The following ADAD1 variants were observed in gnomAD, a reference collection of about 807,000 sequenced individuals.
The protein encoded by ADAD1 is adenosine deaminase domain-containing protein 1.
In ADAD1, 46 loss-of-function variants were observed where a neutral mutation model predicts 66.8. The ratio of observed to expected loss-of-function variants is 0.69; its 90% confidence interval spans 0.54 to 0.88. ADAD1 has a LOEUF of 0.88. ADAD1 is among the 40% of genes least tolerant of loss of function. ADAD1 has a pLI of 0.00. For synonymous variants in ADAD1, 248 were observed against 229.4 expected, an observed-to-expected ratio of 1.08 and a Z score of -0.73; for missense variants, 617 against 681.8, an observed-to-expected ratio of 0.91 and a Z score of 1.06.
chr4:122,386,428 A>T (rs1795175668), intron 5 of ADAD1, among the ~76,000 whole-genome samples: 1 of 152,040 alleles, frequency 6.6e-6, no homozygotes, highest in Non-Finnish European at 1.5e-5. Flanking sequence ...GTTCCTTGTA[A>T]ATTCTGGATA....
chr4:122,390,233 A>C (rs1436028954), intron 5 of ADAD1, among the ~76,000 whole-genome samples: 2 of 152,294 alleles, frequency 1.3e-5, no homozygotes, highest in East Asian at 3.9e-4. Flanking sequence ...ATCCCCTGTT[A>C]GTCTGAAGAG....
At chr4:122,429,464 T>C (rs1797417677) in intron 12 of ADAD1, among the ~76,000 whole-genome samples, 162 bp from the exon 13 acceptor site, 1 of 151,734 alleles carries the variant, frequency 6.6e-6, no homozygotes, top group East Asian at 1.9e-4. Context: ...TTAGGAGTGT[T>C]GGGAAGGAAA....
chr4:122,393,069 G>A (rs1350651789), intron 5 of ADAD1, among the ~76,000 whole-genome samples: 1 of 131,524 alleles, frequency 7.6e-6, no homozygotes, highest in Non-Finnish European at 1.6e-5. Context: ...CTCAGGTTTA[G>A]TGGTTTTTAA....
chr4:122,383,404 C>A (rs79187185), intron 4 of ADAD1, among the ~76,000 whole-genome samples: 1 of 152,096 alleles, frequency 6.6e-6, no homozygotes, highest in Non-Finnish European at 1.5e-5. Flanking sequence ...GTTTTAAAGA[C>A]GTTTGTATTT....
chr4:122,403,558 C>T (rs1796070793), intron 7 of ADAD1, among the ~76,000 whole-genome samples: 1 of 152,146 alleles, frequency 6.6e-6, no homozygotes, highest in African/African-American at 2.4e-5. Context: ...CTGTTGTTTT[C>T]TCCTTCTTTG....
At chr4:122,404,839 C>T (rs763398799) in intron 7 of ADAD1, among the ~76,000 whole-genome samples, 32 of 152,198 alleles carry the variant, frequency 2.1e-4, no homozygotes, top group Non-Finnish European at 1.5e-4. Flanking sequence ...ATCTTCTCTA[C>T]TGTGACAGTA....
chr4:122,383,731 T>C, intron 4 of ADAD1, 68 bp from the exon 5 acceptor site: 1 of 1,463,908 alleles, frequency 6.8e-7, no homozygotes, highest in South Asian at 1.6e-5. Context: ...TGTTTTCCTA[T>C]GTACATACAT....
In ADAD1 at chr4:122,411,283, A is replaced by G. The variant is rs752425189; in HGVS notation, c.910A>G (p.Ile304Val). 7 of 1,612,042 alleles carry G rather than the reference A, an allele frequency of 4.3e-6. No homozygotes were observed. The South Asian group carries it at 5.5e-5, about 13-fold the overall frequency. Residue 304 changes from isoleucine to valine, a missense_variant, in exon 9 of 13, where the codon ATA becomes GTA. Ile to Val is a conservative substitution (Grantham distance 29). Transcript: ENST00000296513. Reference protein sequence around the residue: ...SKNPAMMEKSIFCTEPTSNLL... With the variant: ...SKNPAMMEKSVFCTEPTSNLL... ...AAATCCTGCTATGATGGAAAAATCA[A>G]TATTTTGTACAGAACCAACTTCTAA...
intron 10 of ADAD1, among the ~76,000 whole-genome samples, chr4:122,415,041 A>G (rs998547152): frequency 6.6e-6 from 1 of 152,100 alleles, no homozygotes; most frequent in African/African-American, 2.4e-5. Context: ...ATCAGCATAC[A>G]ATGCGGTCAA....
At position 122,381,147 on chromosome 4, in the gene ADAD1, G is replaced by A; in HGVS notation, c.328G>A (p.Val110Ile). 6.3e-7 allele frequency: 1 copy of A among 1,581,666 alleles called. No homozygotes were observed. ...GCACCAGTTTGCACAAATGCAGCGA[G>A]TTCAGCTTGACCTTAAGGAAACTGT... ...ALHQFAQMQR[V>I]QLDLKETVTT... The change falls in exon 4 of 13, where the codon GTT (valine) becomes ATT (isoleucine). Residue 110 changes from valine (V) to isoleucine (I), a missense_variant. Val to Ile is a conservative substitution (Grantham distance 29). Coordinates refer to ENST00000296513, the MANE Select transcript of ADAD1 (RefSeq NM_139243.4).
In ADAD1 at chr4:122,415,493, G is replaced by C. The variant is rs775582485; in HGVS notation, c.1364G>C (p.Ser455Thr). The stretch of plus-strand genomic sequence containing the variant: ...TACTTAGTCAACAGACCTCATATTA[G>C]TTTAGTACCCTCTGCATATCCCCTT... ...MFYLVNRPHI[S>T]LVPSAYPLQM... Residue 455 changes from serine (S) to threonine (T), a missense_variant, in exon 11 of 13, where the codon AGT (serine) becomes ACT (threonine). Transcript: ENST00000296513. 3.7e-6 allele frequency: 6 copies of C among 1,613,896 alleles called. No homozygotes were observed. The highest frequency in any genetic ancestry group is 3.4e-6 in the Non-Finnish European group (4 of 1,179,866).
chr4:122,405,887 C>T (rs1216143135), intron 7 of ADAD1, among the ~76,000 whole-genome samples: 2 of 152,104 alleles, frequency 1.3e-5, no homozygotes, highest in Non-Finnish European at 2.9e-5. Context: ...CAGGTTCATT[C>T]ATATTGTTGA....
At chr4:122,416,745 A>G (rs935403570) in intron 11 of ADAD1, among the ~76,000 whole-genome samples, 4 of 152,000 alleles carry the variant, frequency 2.6e-5, no homozygotes, top group African/African-American at 7.3e-5. Context: ...AAAGGGAAAA[A>G]AAAAAGAAAA....
chr4:122,396,258 G>T lies in ADAD1; in HGVS notation c.605G>T (p.Arg202Ile). 1 of 1,583,518 alleles carries T rather than the reference G, an allele frequency of 6.3e-7. No individual in the cohort carries two copies. The highest frequency in any genetic ancestry group is 8.6e-7 in the Non-Finnish European group (1 of 1,167,840). ...TGTTTTGATTTTTTTCTAGAAGGGA[G>T]ACATATTCAATATGCAAAGATTTCA... ...AYVSKVHYEG[R>I]HIQYAKISQI... The change falls in exon 7 of 13, where the codon AGA becomes ATA. Residue 202 changes from arginine (R) to isoleucine (I), a missense_variant. Arg to Ile is a moderately conservative substitution (Grantham distance 97). Coordinates refer to ENST00000296513, the MANE Select transcript of ADAD1 (RefSeq NM_139243.4).
intron 3 of ADAD1, 49 bp from the exon 4 acceptor site, chr4:122,380,943 T>C: frequency 6.7e-7 from 1 of 1,498,726 alleles, no homozygotes; most frequent in Non-Finnish European, 9.0e-7. Context: ...TTGCTCATTT[T>C]TGTTTGTTTG....
chr4:122,384,074 T>G, intron 5 of ADAD1, 108 bp downstream of exon 5: 1 of 1,025,470 alleles, frequency 9.8e-7, no homozygotes, highest in Non-Finnish European at 1.4e-6. Flanking sequence ...AAGATAGAAG[T>G]TGCAGGATTT....
chr4:122,428,013 T>C (rs1017818858), intron 12 of ADAD1, among the ~76,000 whole-genome samples: 2 of 152,142 alleles, frequency 1.3e-5, no homozygotes, highest in African/African-American at 4.8e-5. Context: ...TGTACAAAAG[T>C]GCCAATTCTA....
intron 12 of ADAD1, among the ~76,000 whole-genome samples, chr4:122,425,479 T>C (rs1797190545): frequency 6.6e-6 from 1 of 151,998 alleles, no homozygotes. Context: ...TATCTTGAAC[T>C]AAGTGAAAGT....
chr4:122,396,191 A>G (rs1561538140), intron 6 of ADAD1, 61 bp from the exon 7 acceptor site: 1 of 1,364,332 alleles, frequency 7.3e-7, no homozygotes. Context: ...TAATAAGAAT[A>G]ATAAGACAGC....
Sources: allele counts gnomAD v4.1 joint callset (sites outside exome capture counted in the v4.1 genomes callset), GRCh38; gene constraint gnomAD v4.1.1; transcripts MANE v1.5; gene names NCBI Gene and HGNC (gene_info 2026-07-23, HGNC 2026-07-21).